BANF1: variants seen among roughly 807,000 people sequenced by gnomAD.
The protein encoded by BANF1 is barrier to autointegration nuclear assembly factor 1.
For synonymous variants in BANF1, 49 were observed against 43.7 expected (o/e 1.12, Z -0.48); for missense variants, 47 against 110.4 (o/e 0.43, Z 2.57).
chr11:66,003,175 G>T, intron 1 of BANF1, 60 bp from the exon 2 acceptor site: 1 of 1,582,210 alleles, frequency 6.3e-7, no homozygotes, highest in Non-Finnish European at 8.6e-7. Flanking sequence ...GAGATTGCTC[G>T]TGGGCCCTTA....
intron 2 of BANF1, 107 bp downstream of exon 2, chr11:66,003,480 C>T (rs1856059137): frequency 6.2e-7 from 1 of 1,608,484 alleles, no homozygotes; most frequent in East Asian, 2.2e-5. Context: ...CTGCCAGAGC[C>T]TGGGCACCTG....
rs148797275 is a variant in BANF1 at position 66,003,949 on chromosome 11, G to A, written c.*177G>A. ...CATTTCAACTTTTTTTTGGATTCTC[G>A]CTCTTGCATGCCTCCCCCGTCCTTT... On this transcript the variant is annotated 3_prime_UTR_variant, in exon 3 of 3. Coordinates refer to ENST00000312175, the MANE Select transcript of BANF1 (RefSeq NM_003860.4). 0.02 allele frequency: 15,194 copies of A among 771,142 alleles called. 175 individuals are homozygous for A. Among genetic ancestry groups the A allele is most frequent in the Non-Finnish European group, 0.025 (12,174 of 482,802 alleles). The allele number at this position is 771,142 out of a possible 1,614,324, so 47.8% of individuals were successfully genotyped here. A position where few individuals can be genotyped will look rare whatever the true frequency, so the allele number is the denominator to read the frequency against.
At position 66,003,873 on chromosome 11, in the gene BANF1, G is replaced by C. The variant is rs1856074434; in HGVS notation, c.*101G>C. The C allele has an allele frequency of 1.4e-5, 22 of 1,546,276 alleles. No individual in the cohort carries two copies. Among genetic ancestry groups the C allele is most frequent in the South Asian group, 2.3e-5 (2 of 87,706 alleles). ...TACGAAGGAAAAGATTGCTATTGTCGTACTCACCTCCGACGTACTCCGGGG... is the reference window on the plus strand; with the variant it reads ...TACGAAGGAAAAGATTGCTATTGTCCTACTCACCTCCGACGTACTCCGGGG... On this transcript the variant is annotated 3_prime_UTR_variant, in exon 3 of 3. Coordinates refer to ENST00000312175, the MANE Select transcript of BANF1 (RefSeq NM_003860.4).
Position 66,003,893 on chromosome 11 carries a change from C to G in BANF1, c.*121C>G. 6.9e-7 allele frequency: 1 copy of G among 1,447,670 alleles called. No individual in the cohort carries two copies. Among genetic ancestry groups the G allele is most frequent in the East Asian group, 2.4e-5 (1 of 41,618 alleles). The allele number at this position is 1,447,670 out of a possible 1,614,324, so 89.7% of individuals were successfully genotyped here. Reference sequence around the variant, plus strand: ...TTGTCGTACTCACCTCCGACGTACTCCGGGGTCTTTTGGGAGTTTTCTCCC... The same window carrying G: ...TTGTCGTACTCACCTCCGACGTACTGCGGGGTCTTTTGGGAGTTTTCTCCC... On this transcript the variant is annotated 3_prime_UTR_variant, in exon 3 of 3. Transcript: ENST00000312175.
intron 2 of BANF1, 64 bp from the exon 3 acceptor site, chr11:66,003,562 T>TTG: frequency 6.2e-7 from 1 of 1,604,380 alleles, no homozygotes; most frequent in Non-Finnish European, 8.5e-7. Flanking sequence ...CAGGAATGGC[T>TTG]GTCTTGCTCT....
chr11:66,003,313 G>C lies in BANF1; in HGVS notation c.63G>C (p.Gly21=), dbSNP rs771619487. The change falls in exon 2 of 3, where the codon GGG becomes GGC. Residue 21 remains glycine, a synonymous_variant. Transcript: ENST00000312175. The part of the protein sequence containing the change: ...VAEPMGEKPV[G]SLAGIGEVLG... ...AGCCCATGGGGGAGAAGCCAGTGGGGAGCCTGGCTGGGATTGGTGAAGTCC... is the reference window on the plus strand; with the variant it reads ...AGCCCATGGGGGAGAAGCCAGTGGGCAGCCTGGCTGGGATTGGTGAAGTCC... The C allele has an allele frequency of 6.2e-7, 1 of 1,613,812 alleles. No homozygotes were observed. The highest frequency in any genetic ancestry group is 1.3e-5 in the African/African-American group (1 of 74,978).
At position 66,003,241 on chromosome 11, in the gene BANF1, C is replaced by G. The variant is rs377369574; in HGVS notation, c.-10C>G. ...TTTTTTTTGGGATTCCTAGATTAAGCCTGATCAAGATGACAACCTCCCAAA... is the reference window on the plus strand; with the variant it reads ...TTTTTTTTGGGATTCCTAGATTAAGGCTGATCAAGATGACAACCTCCCAAA... On this transcript the variant is annotated 5_prime_UTR_variant, in exon 2 of 3. Transcript: ENST00000312175. The G allele has an allele frequency of 5.6e-6, 9 of 1,612,608 alleles. No individual in the cohort carries two copies. The highest frequency in any genetic ancestry group is 5.5e-5 in the South Asian group (5 of 91,010).
chr11:66,002,981 C>G, intron 1 of BANF1: 4 of 471,390 alleles, frequency 8.5e-6, no homozygotes, highest in South Asian at 6.2e-5. Flanking sequence ...TTCCACTGCC[C>G]CGCTTGCGCC....
At chr11:66,003,526 C>T (rs1378164693) in intron 2 of BANF1, 100 bp from the exon 3 acceptor site, 1 of 1,611,650 alleles carries the variant, frequency 6.2e-7, no homozygotes, top group Non-Finnish European at 8.5e-7. Flanking sequence ...CGCGCTGCTT[C>T]CTGGGCTTGT....
rs533253708 is a variant in BANF1, at chr11:66,003,405, CG to C, written c.123+38del. On this transcript the variant is annotated intron_variant, in intron 2 of 2. Coordinates refer to ENST00000312175, the MANE Select transcript of BANF1 (RefSeq NM_003860.4). ...GGTGGCTGCGTGTACCTAGTGCAAG[CG>C]GGGGGTGGAAGGGAAGTGATTCCAT... The C allele has an allele frequency of 2.9e-3, 4,629 of 1,612,008 alleles. 12 individuals carry two copies. Among genetic ancestry groups the C allele is most frequent in the Non-Finnish European group, 3.6e-3 (4,271 of 1,179,306 alleles).
At chr11:66,003,578 C>G (rs1265797675) in intron 2 of BANF1, 48 bp from the exon 3 acceptor site, 3 of 1,583,832 alleles carry the variant, frequency 1.9e-6, no homozygotes, top group Non-Finnish European at 2.6e-6. Flanking sequence ...GCTCTTATCT[C>G]TCACTGAGCA....
At chr11:66,003,141 C>A in intron 1 of BANF1, 94 bp from the exon 2 acceptor site, 1 of 1,376,512 alleles carries the variant, frequency 7.3e-7, no homozygotes, top group East Asian at 2.4e-5. Flanking sequence ...CACTGTAACC[C>A]CTGGCTTGGC....
Position 66,003,787 on chromosome 11 carries a change from C to T in BANF1, c.*15C>T. 6.2e-7 allele frequency: 1 copy of T among 1,613,864 alleles called. No individual in the cohort carries two copies. The highest frequency in any genetic ancestry group is 8.5e-7 in the Non-Finnish European group (1 of 1,179,998). ...CCTTCTTGTGATGCTCTCTGGGAAGCTCTCAATCCCCAGCCCTCATCCAGA... is the reference window on the plus strand; with the variant it reads ...CCTTCTTGTGATGCTCTCTGGGAAGTTCTCAATCCCCAGCCCTCATCCAGA... On this transcript the variant is annotated 3_prime_UTR_variant, in exon 3 of 3. Coordinates refer to ENST00000312175, the MANE Select transcript of BANF1 (RefSeq NM_003860.4).
At position 66,004,025 on chromosome 11, in the gene BANF1, C is replaced by T. The variant is rs889884450; in HGVS notation, c.*253C>T. The T allele has an allele frequency of 2.8e-5, 14 of 503,724 alleles. No homozygotes were observed. Among genetic ancestry groups the T allele is most frequent in the African/African-American group, 2.3e-4 (12 of 51,592 alleles). The allele number at this position is 503,724 out of a possible 1,614,324, so 31.2% of individuals were successfully genotyped here. The stretch of plus-strand genomic sequence containing the variant: ...GTTACCAGCTTTCCTGAATGGATTC[C>T]CGGCCCCATCCCTCACCCCCACCCT... On this transcript the variant is annotated 3_prime_UTR_variant, in exon 3 of 3. Coordinates refer to ENST00000312175, the MANE Select transcript of BANF1 (RefSeq NM_003860.4).
rs1856066904 is a variant in BANF1 at position 66,003,683 on chromosome 11, G to A, written c.181G>A (p.Glu61Lys). 1.2e-6 allele frequency: 2 copies of A among 1,613,974 alleles called. No individual in the cohort carries two copies. Among genetic ancestry groups the A allele is most frequent in the Non-Finnish European group, 1.7e-6 (2 of 1,180,036 alleles). ...AAAGAAAGATGAAGACCTCTTCCGG[G>A]AATGGCTGAAAGACACTTGTGGCGC... ...VLKKDEDLFR[E>K]WLKDTCGANA... is the part of the protein sequence containing the mutation. Residue 61 changes from glutamate to lysine, a missense_variant, in exon 3 of 3, where the codon GAA becomes AAA. Coordinates refer to ENST00000312175, the MANE Select transcript of BANF1 (RefSeq NM_003860.4).
rs1856073603 is a variant in BANF1, at chr11:66,003,858, A to C, written c.*86A>C. The C allele has an allele frequency of 1.3e-6, 2 of 1,590,296 alleles. No individual in the cohort carries two copies. The highest frequency in any genetic ancestry group is 1.7e-6 in the Non-Finnish European group (2 of 1,163,860). ...TCCTCCCCTGTCCTCTACGAAGGAA[A>C]AGATTGCTATTGTCGTACTCACCTC... On this transcript the variant is annotated 3_prime_UTR_variant, in exon 3 of 3. Transcript: ENST00000312175.
In BANF1 at chr11:66,003,337, C is replaced by T. The variant is rs1856053121; in HGVS notation, c.87C>T (p.Val29=). 5 of 1,613,314 alleles carry T rather than the reference C, an allele frequency of 3.1e-6. No homozygotes were observed. Among genetic ancestry groups the T allele is most frequent in the African/African-American group, 2.7e-5 (2 of 74,764 alleles). Residue 29 remains valine (V), a synonymous_variant, in exon 2 of 3, where the codon GTC becomes GTT. Coordinates refer to ENST00000312175, the MANE Select transcript of BANF1 (RefSeq NM_003860.4). ...GGAGCCTGGCTGGGATTGGTGAAGT[C>T]CTGGGCAAGAAGCTGGAGGAAAGGG... is the stretch of plus-strand genomic sequence containing the variant. ...PVGSLAGIGE[V]LGKKLEERGF...
At chr11:66,002,798 G>C (rs1460327508) in intron 1 of BANF1, 1 of 168,224 alleles carries the variant, frequency 5.9e-6, no homozygotes, top group Non-Finnish European at 1.3e-5. Context: ...CGCGGGCGGG[G>C]AGCGGGTGTG....
intron 1 of BANF1, chr11:66,002,954 A>G (rs920022422): frequency 4.9e-5 from 21 of 428,850 alleles, no homozygotes; most frequent in Middle Eastern, 7.1e-4. Context: ...AGCCCTGGCT[A>G]CGGACTCTGG....
Sources: gnomAD v4.1 joint callset for allele counts on GRCh38, gnomAD v4.1.1 for gene constraint, MANE v1.5 for transcripts, NCBI Gene and HGNC (gene_info 2026-07-23, HGNC 2026-07-21) for gene names.